IL1RAPL2: variants seen among roughly 807,000 people sequenced by gnomAD.
IL1RAPL2 encodes interleukin 1 receptor accessory protein like 2.
IL1RAPL2 carries 3 observed loss-of-function variants against 44.1 expected under a neutral mutation model. The ratio of observed to expected loss-of-function variants is 0.07; its 90% CI spans 0.03 to 0.18. The LOEUF (loss-of-function observed/expected upper bound fraction) is 0.18, where lower values mean the gene tolerates loss of function less well. Among genes scored for constraint, IL1RAPL2 ranks in the 10% least tolerant of loss-of-function variants. The pLI is 1.00. For synonymous variants in IL1RAPL2, 181 were observed against 178.8 expected, an observed-to-expected ratio of 1.01 and a Z score of -0.10; for missense variants, 391 against 496.4, an observed-to-expected ratio of 0.79 and a Z score of 2.02.
At position 105,072,093 on chromosome X, in the gene IL1RAPL2, T is replaced by C. The variant is rs192242139; in HGVS notation, c.83-123382T>C. 2.0e-3 allele frequency among the ~76,000 whole-genome samples: 225 copies of C among 111,062 alleles called. 1 individual carries two copies. The highest frequency in any genetic ancestry group is 2.4e-3 in the Non-Finnish European group (129 of 52,981). On this transcript the variant is annotated intron_variant, in intron 2 of 10. Coordinates refer to ENST00000372582, the MANE Select transcript of IL1RAPL2 (RefSeq NM_017416.2). Reference sequence around the variant, plus strand: ...AAGGGAGGGACTGGGTGGGAGGTGATTGGATCACAGGGGAGTTTCCCCTAA... The same window carrying C: ...AAGGGAGGGACTGGGTGGGAGGTGACTGGATCACAGGGGAGTTTCCCCTAA...
intron 6 of IL1RAPL2, among the ~76,000 whole-genome samples, chrX:105,682,006 C>G (rs1237423553): frequency 9.0e-6 from 1 of 111,544 alleles, no homozygotes; most frequent in Non-Finnish European, 1.9e-5. Flanking sequence ...TTAGTTATTA[C>G]TGATAGCTTT....
At chrX:104,948,954 C>T (rs1251451181) in intron 2 of IL1RAPL2, among the ~76,000 whole-genome samples, 3 of 109,179 alleles carry the variant, frequency 2.7e-5, no homozygotes, top group African/African-American at 1.0e-4. Flanking sequence ...GGGAGGATTC[C>T]CTCTTTTTCT....
At chrX:105,644,860 G>A (rs968947446) in intron 6 of IL1RAPL2, among the ~76,000 whole-genome samples, 3 of 110,978 alleles carry the variant, frequency 2.7e-5, no homozygotes, top group Non-Finnish European at 3.8e-5. Context: ...AACATGCAGC[G>A]TTTGGTTTTC....
intron 2 of IL1RAPL2, among the ~76,000 whole-genome samples, chrX:104,931,996 AT>A (rs34874206): frequency 0.39 from 32,575 of 84,426 alleles, 5,277 homozygotes; most frequent in Non-Finnish European, 0.42. Flanking sequence ...ATATATATAT[AT>A]TTTTTTTTTT....
chrX:104,639,691 T>C (rs1268712948), intron 1 of IL1RAPL2, among the ~76,000 whole-genome samples: 1 of 111,367 alleles, frequency 9.0e-6, no homozygotes, highest in African/African-American at 3.3e-5. Flanking sequence ...CTTGTGGGTT[T>C]CATCTAATGG....
At chrX:105,290,654 A>T (rs1267964022) in intron 5 of IL1RAPL2, among the ~76,000 whole-genome samples, 1 of 111,432 alleles carries the variant, frequency 9.0e-6, no homozygotes, top group Non-Finnish European at 1.9e-5. Flanking sequence ...GAAAAGAAGG[A>T]GTGAAGCAAA....
intron 6 of IL1RAPL2, among the ~76,000 whole-genome samples, chrX:105,586,904 T>C (rs1360344279): frequency 8.9e-6 from 1 of 112,269 alleles, no homozygotes; most frequent in Non-Finnish European, 1.9e-5. Context: ...AAATTCTGAA[T>C]TCTGGTTCCT....
chrX:105,731,204 C>T (rs751662236), intron 7 of IL1RAPL2, among the ~76,000 whole-genome samples: 1 of 111,104 alleles, frequency 9.0e-6, no homozygotes, highest in East Asian at 2.9e-4. Context: ...ACAACTGATA[C>T]CACAGAAATA....
chrX:105,205,587 TAAAAAAAAAAAAA>T (rs375473348), intron 3 of IL1RAPL2, among the ~76,000 whole-genome samples: 106 of 8,202 alleles, frequency 0.013, 1 homozygote, highest in African/African-American at 0.019. Flanking sequence ...AAGACTCTGT[TAAAAAAAAAAAAA>T]AAAAAAAAAA....
intron 2 of IL1RAPL2, among the ~76,000 whole-genome samples, chrX:105,093,662 C>A (rs2032571601): frequency 9.0e-6 from 1 of 111,445 alleles, no homozygotes; most frequent in Admixed American, 9.5e-5. Flanking sequence ...AAAGAGAAGG[C>A]AAAGGGTTTG....
chrX:105,376,108 A>T (rs1386664223), intron 5 of IL1RAPL2, among the ~76,000 whole-genome samples: 1 of 111,832 alleles, frequency 8.9e-6, no homozygotes, highest in Non-Finnish European at 1.9e-5. Context: ...AAGAAAAGCC[A>T]GGCTTCATTG....
chrX:104,968,665 T>C (rs1175873200), intron 2 of IL1RAPL2, among the ~76,000 whole-genome samples: 1 of 111,573 alleles, frequency 9.0e-6, no homozygotes. Flanking sequence ...TTAGAGTTAA[T>C]GATAGTTTAA....
intron 2 of IL1RAPL2, among the ~76,000 whole-genome samples, chrX:105,149,174 G>A (rs2033203853): frequency 8.9e-6 from 1 of 111,889 alleles, no homozygotes; most frequent in African/African-American, 3.3e-5. Flanking sequence ...CTTTATGGGA[G>A]AGGATCTATG....
intron 1 of IL1RAPL2, among the ~76,000 whole-genome samples, chrX:104,635,582 T>G (rs1929780874): frequency 8.9e-6 from 1 of 111,953 alleles, no homozygotes; most frequent in South Asian, 3.8e-4. Flanking sequence ...TGTCACTTCA[T>G]TTCATTCATT....
chrX:105,489,405 A>G (rs1021017362), intron 6 of IL1RAPL2, among the ~76,000 whole-genome samples: 1 of 111,999 alleles, frequency 8.9e-6, no homozygotes, highest in Admixed American at 9.5e-5. Context: ...CAAATTTATT[A>G]AAATATTGTA....
chrX:104,798,743 C>T (rs1932867310), intron 2 of IL1RAPL2, among the ~76,000 whole-genome samples: 1 of 111,182 alleles, frequency 9.0e-6, no homozygotes, highest in Non-Finnish European at 1.9e-5. Flanking sequence ...CACTGCTGTT[C>T]CTTGAGGCCA....
rs192590653 is a variant in IL1RAPL2 at position 104,780,739 on chromosome X, C to T, written c.82+121744C>T. 9.8e-4 allele frequency among the ~76,000 whole-genome samples: 110 copies of T among 111,849 alleles called. 2 individuals are homozygous for T. Among genetic ancestry groups the T allele is most frequent in the Admixed American group, 7.0e-3 (73 of 10,471 alleles). The stretch of plus-strand genomic sequence containing the variant: ...TTTTATATTCTGACAAGGGCTTGAC[C>T]TTTGGAGAAGCAGACCTCTGTTGGG... On this transcript the variant is annotated intron_variant, in intron 2 of 10. Coordinates refer to ENST00000372582, the MANE Select transcript of IL1RAPL2 (RefSeq NM_017416.2).
intron 2 of IL1RAPL2, among the ~76,000 whole-genome samples, chrX:104,785,346 T>C (rs1173477534): frequency 1.8e-5 from 2 of 111,826 alleles, no homozygotes; most frequent in South Asian, 3.8e-4. Flanking sequence ...GTTAAGTATT[T>C]TAGACTTGAA....
At chrX:105,247,618 TG>T (rs1259963365) in intron 4 of IL1RAPL2, among the ~76,000 whole-genome samples, 6 of 107,569 alleles carry the variant, frequency 5.6e-5, no homozygotes, top group Non-Finnish European at 3.8e-5. Flanking sequence ...TGTGTGTGTG[TG>T]TGTGTGTGTG....
Sources: allele counts gnomAD v4.1 joint callset (sites outside exome capture counted in the v4.1 genomes callset), GRCh38; gene constraint gnomAD v4.1.1; transcripts MANE v1.5; gene names NCBI Gene and HGNC (gene_info 2026-07-23, HGNC 2026-07-21).